POU6F2: variants seen among roughly 807,000 people sequenced by gnomAD.
POU6F2 encodes POU domain, class 6, transcription factor 2.
In POU6F2, 31 loss-of-function variants were observed where a neutral mutation model predicts 71.3. That is an observed-to-expected ratio of 0.43 (90% confidence interval 0.33 to 0.59). The LOEUF (loss-of-function observed/expected upper bound fraction) is 0.59. POU6F2 is among the 20% of genes least tolerant of loss of function. The pLI, the probability that POU6F2 is intolerant of heterozygous loss-of-function variation, is 0.04. For missense variants in POU6F2, 783 were observed against 856.8 expected, an observed-to-expected ratio of 0.91 and a Z score of 1.07; for synonymous variants, 347 against 355.7, an observed-to-expected ratio of 0.98 and a Z score of 0.27.
At chr7:39,176,065 T>C (rs933855464) in intron 2 of POU6F2, among the ~76,000 whole-genome samples, 6 of 152,196 alleles carry the variant, frequency 3.9e-5, no homozygotes, top group Admixed American at 2.6e-4. Flanking sequence ...TATTCCCTCT[T>C]CTTCCTTTGT....
At chr7:39,344,517 C>T (rs574213536) in intron 5 of POU6F2, among the ~76,000 whole-genome samples, 1 of 152,220 alleles carries the variant, frequency 6.6e-6, no homozygotes, top group East Asian at 1.9e-4. Flanking sequence ...GGTACATTAT[C>T]ACTTTTTAAA....
chr7:38,998,654 A>ATTTT (rs35912432), intron 1 of POU6F2, among the ~76,000 whole-genome samples: 1 of 143,474 alleles, frequency 7.0e-6, no homozygotes, highest in African/African-American at 2.6e-5. Flanking sequence ...TGTTAATCAC[A>ATTTT]TTTTTTTTTT....
rs1789042922 is a variant in POU6F2, at chr7:39,465,205, T to C, written c.*519T>C. The C allele has an allele frequency of 6.5e-6, 1 of 152,856 alleles. No homozygotes were observed. The highest frequency in any genetic ancestry group is 1.5e-5 in the Non-Finnish European group (1 of 68,468). The allele number at this position is 152,856 out of a possible 1,614,324, so 9.5% of individuals were successfully genotyped here. ...CTAAGTGCTGATTCACTATGAAACC[T>C]ATTAACCAAAGTCAGAAACATGGCA... On this transcript the variant is annotated 3_prime_UTR_variant, in exon 10 of 10. Transcript: ENST00000518318.
chr7:39,295,364 C>T (rs901874007), intron 4 of POU6F2, among the ~76,000 whole-genome samples: 1 of 152,086 alleles, frequency 6.6e-6, no homozygotes, highest in Non-Finnish European at 1.5e-5. Flanking sequence ...GCCTGTAATC[C>T]CAGTACTTTG....
In POU6F2 at chr7:39,464,478, A is replaced by T; in HGVS notation, c.1955A>T (p.Asn652Ile). Reference sequence around the variant, plus strand: ...ACACCCCAGGCCCTTGAGATCCTCAATGCCCACTTTGAGAAGAACACACAC... The same window carrying T: ...ACACCCCAGGCCCTTGAGATCCTCATTGCCCACTTTGAGAAGAACACACAC... Reference protein sequence around the residue: ...SFTPQALEILNAHFEKNTHPS... With the variant: ...SFTPQALEILIAHFEKNTHPS... Residue 652 changes from asparagine to isoleucine, a missense_variant, in exon 10 of 10, where the codon AAT becomes ATT. By Grantham distance (149) the Asn-to-Ile change is moderately radical. This residue lies in a region of POU6F2 where 211 missense variants were observed against 283.9 expected (regional missense o/e 0.74). Coordinates refer to ENST00000518318, the MANE Select transcript of POU6F2 (RefSeq NM_001370959.1). The surrounding 1 kb of genome is among the most constrained non-coding windows in gnomAD (Gnocchi z 4.1). 1.9e-6 allele frequency: 3 copies of T among 1,613,976 alleles called. No individual in the cohort carries two copies. The highest frequency in any genetic ancestry group is 1.7e-6 in the Non-Finnish European group (2 of 1,179,860).
intron 4 of POU6F2, among the ~76,000 whole-genome samples, chr7:39,255,854 C>G (rs984434773): frequency 6.6e-6 from 1 of 152,176 alleles, no homozygotes; most frequent in African/African-American, 2.4e-5. Context: ...CTGCCCCTCT[C>G]AAATTTCCAG....
chr7:39,223,445 T>G (rs1794406853), intron 4 of POU6F2, among the ~76,000 whole-genome samples: 1 of 152,210 alleles, frequency 6.6e-6, no homozygotes, highest in Non-Finnish European at 1.5e-5. Flanking sequence ...ATGCAAATCC[T>G]CTTTTTCTAT....
intron 1 of POU6F2, among the ~76,000 whole-genome samples, chr7:39,075,306 C>T (rs1032835420): frequency 6.6e-6 from 1 of 152,122 alleles, no homozygotes; most frequent in African/African-American, 2.4e-5. Context: ...GAGGGCCTGG[C>T]ATGGTGGGTT....
intron 1 of POU6F2, among the ~76,000 whole-genome samples, chr7:39,048,929 GTTTGCTCATTTCTGTCTTTCTAGAAA>G (rs1790348654): frequency 6.6e-6 from 1 of 151,880 alleles, no homozygotes; most frequent in African/African-American, 2.4e-5. Flanking sequence ...TCTTGAGTCA[GTTTGCTCATTTCTGTCTTTCTAGAAA>G]TTTGTCATTT....
chr7:39,279,992 G>A (rs979088887), intron 4 of POU6F2, among the ~76,000 whole-genome samples: 1 of 152,134 alleles, frequency 6.6e-6, no homozygotes, highest in South Asian at 2.1e-4. Context: ...TGATTAGCCT[G>A]CCTTGGCCTC....
chr7:39,278,081 GAGAA>G (rs1392753592), intron 4 of POU6F2, among the ~76,000 whole-genome samples: 4 of 97,294 alleles, frequency 4.1e-5, no homozygotes, highest in Non-Finnish European at 7.6e-5. Flanking sequence ...GAAAGAAAGC[GAGAA>G]AGAGAGGGAG....
intron 1 of POU6F2, among the ~76,000 whole-genome samples, chr7:38,992,436 A>G (rs561626402): frequency 6.6e-6 from 1 of 152,334 alleles, no homozygotes; most frequent in South Asian, 2.1e-4. Context: ...CCACCATGGT[A>G]TCCAGCAGAT....
At chr7:39,015,312 T>C (rs1014779109) in intron 1 of POU6F2, among the ~76,000 whole-genome samples, 2 of 137,998 alleles carry the variant, frequency 1.4e-5, no homozygotes, top group Non-Finnish European at 3.1e-5. Flanking sequence ...TATCTATATA[T>C]AATAATAGAT....
chr7:39,327,852 G>A (rs1376914672), intron 4 of POU6F2, among the ~76,000 whole-genome samples: 7 of 145,256 alleles, frequency 4.8e-5, no homozygotes, highest in African/African-American at 1.8e-4. Context: ...ATTAGTTTGT[G>A]TCAAAAAAAA....
rs1166811956 is a variant in POU6F2 at position 39,412,778 on chromosome 7, C to CTTTTTTTTTTTTTTTTTTT, written c.1113+6061_1113+6079dup. Among the ~76,000 whole-genome samples the CTTTTTTTTTTTTTTTTTTT allele has an allele frequency of 8.6e-5, 2 of 23,168 alleles. 1 individual carries two copies. The highest frequency in any genetic ancestry group is 2.3e-4 in the African/African-American group (2 of 8,540). 15.2% of individuals were successfully genotyped at this position (23,168 alleles called of 152,430 possible). Reference sequence around the variant, plus strand: ...TCCGTATTAGCTTCAGTTTTCTTGCCTTTTTTTTTTTTTTTTTTTTTTTTT... The same window carrying CTTTTTTTTTTTTTTTTTTT: ...TCCGTATTAGCTTCAGTTTTCTTGCCTTTTTTTTTTTTTTTTTTTTTTTTTTTTTTTTTTTTTTTTTTTT... On this transcript the variant is annotated intron_variant, in intron 6 of 9. Coordinates refer to ENST00000518318, the MANE Select transcript of POU6F2 (RefSeq NM_001370959.1).
At chr7:39,242,924 CACTT>C (rs1783753360) in intron 4 of POU6F2, among the ~76,000 whole-genome samples, 1 of 152,096 alleles carries the variant, frequency 6.6e-6, no homozygotes, top group Non-Finnish European at 1.5e-5. Context: ...GAAAATCACT[CACTT>C]AAGTTCATAC....
chr7:39,365,339 C>G (rs1311736735), intron 5 of POU6F2, among the ~76,000 whole-genome samples: 1 of 152,108 alleles, frequency 6.6e-6, no homozygotes, highest in African/African-American at 2.4e-5. Context: ...TAGCCACATG[C>G]AGGAGAATGA....
At chr7:39,050,022 T>C (rs944429217) in intron 1 of POU6F2, among the ~76,000 whole-genome samples, 1 of 152,072 alleles carries the variant, frequency 6.6e-6, no homozygotes, top group African/African-American at 2.4e-5. Flanking sequence ...TGCCATATTA[T>C]AGCAGCTCTT....
At chr7:39,277,679 C>T (rs1312371122) in intron 4 of POU6F2, among the ~76,000 whole-genome samples, 1 of 48,836 alleles carries the variant, frequency 2.0e-5, no homozygotes, top group Non-Finnish European at 4.3e-5. Context: ...TTAACTTTCC[C>T]TTAACAAACT....
Sources: gnomAD v4.1 joint callset for allele counts (sites outside exome capture counted in the v4.1 genomes callset) on GRCh38, gnomAD v4.1.1 for gene constraint, gnomAD v4.1.1 regional missense constraint, Gnocchi (gnomAD v3.1) non-coding constraint, MANE v1.5 for transcripts, NCBI Gene and HGNC (gene_info 2026-07-23, HGNC 2026-07-21) for gene names.